Variants in DICER1 observed in about 807,000 individuals in gnomAD.
DICER1 encodes the protein endoribonuclease Dicer.
In DICER1, 43 loss-of-function variants were observed where a neutral mutation model predicts 194.1. That is an observed-to-expected ratio of 0.22 (90% CI 0.17 to 0.29). DICER1 has a LOEUF of 0.29. Among genes scored for constraint, DICER1 ranks in the 10% least tolerant of loss-of-function variants. DICER1 has a pLI of 1.00. For synonymous variants in DICER1, 832 were observed against 820.5 expected (o/e 1.01, Z -0.24); for missense variants, 1,608 against 2,317.0 (o/e 0.69, Z 6.28).
At chr14:95,146,419 C>T (rs1282432859) in intron 1 of DICER1, among the ~76,000 whole-genome samples, 1 of 152,196 alleles carries the variant, frequency 6.6e-6, no homozygotes, top group Non-Finnish European at 1.5e-5. Context: ...TCAGCACACA[C>T]TCCCCTATTC....
intron 23 of DICER1, among the ~76,000 whole-genome samples, chr14:95,095,069 A>C (rs1890188512): frequency 6.6e-6 from 1 of 152,192 alleles, no homozygotes; most frequent in Admixed American, 6.5e-5. Flanking sequence ...TTTGGTTTTT[A>C]CATTTTGCTG....
chr14:95,141,504 C>T (rs1041140821), intron 1 of DICER1, among the ~76,000 whole-genome samples: 2 of 152,182 alleles, frequency 1.3e-5, no homozygotes, highest in Admixed American at 1.3e-4. Context: ...GCAATGCCTC[C>T]ACTACCATAA....
At position 95,096,613 on chromosome 14, in the gene DICER1, G is replaced by T. The variant is rs777127946; in HGVS notation, c.4307C>A (p.Ala1436Asp). The T allele has an allele frequency of 6.2e-7, 1 of 1,611,634 alleles. No individual in the cohort carries two copies. The highest frequency in any genetic ancestry group is 1.7e-5 in the Admixed American group (1 of 59,774). Residue 1436 changes from alanine (A) to aspartate (D), a missense_variant, in exon 23 of 27, where the codon GCT (alanine) becomes GAT (aspartate). Ala to Asp is a moderately radical substitution (Grantham distance 126). This residue lies in a region of DICER1 where 164 missense variants were observed against 183.7 expected (regional missense o/e 0.89). Transcript: ENST00000343455. ...SLMWRAPKEE[A>D]DYEDDFLEYD... Reference sequence around the variant, plus strand: ...CTCCAGGAAATCATCTTCATAGTCAGCCTCTTCCTTCGGAGCCCTCCACAT... The same window carrying T: ...CTCCAGGAAATCATCTTCATAGTCATCCTCTTCCTTCGGAGCCCTCCACAT...
At position 95,089,517 on chromosome 14, in the gene DICER1, G is replaced by A. The variant is rs562287090; in HGVS notation, c.*981C>T. The A allele has an allele frequency of 5.6e-5, 13 of 232,214 alleles. No individual in the cohort carries two copies. In the South Asian group the frequency reaches 1.5e-3, roughly 26 times the overall value. 14.4% of individuals were successfully genotyped at this position (232,214 alleles called of 1,614,324 possible). On this transcript the variant is annotated 3_prime_UTR_variant, in exon 27 of 27. Transcript: ENST00000343455. ...ATTTTGTTAGAGCAACAGCCTAGAA[G>A]GCAAAATTATTTGCCATAAACATTT...
chr14:95,103,128 T>C (rs1419522964), intron 21 of DICER1, among the ~76,000 whole-genome samples: 1 of 152,090 alleles, frequency 6.6e-6, no homozygotes, highest in Non-Finnish European at 1.5e-5. Flanking sequence ...CCCCAAAACC[T>C]GAGTGTGGGA....
At chr14:95,119,970 C>T (rs955858182) in intron 8 of DICER1, among the ~76,000 whole-genome samples, 2 of 152,054 alleles carry the variant, frequency 1.3e-5, no homozygotes, top group Non-Finnish European at 2.9e-5. Context: ...ATCTAATTCT[C>T]CCCAATTAGA....
chr14:95,118,959 T>C (rs746687824), intron 8 of DICER1, among the ~76,000 whole-genome samples: 1 of 152,180 alleles, frequency 6.6e-6, no homozygotes, highest in East Asian at 1.9e-4. Context: ...GTTCACGTAC[T>C]TAAATATTCA....
Position 95,103,846 on chromosome 14 carries a change from G to C in DICER1, c.3550C>G (p.Leu1184Val). 6.2e-7 allele frequency: 1 copy of C among 1,614,166 alleles called. No homozygotes were observed. Among genetic ancestry groups the C allele is most frequent in the Non-Finnish European group, 8.5e-7 (1 of 1,180,028 alleles). The change falls in exon 21 of 27, where the codon CTC (leucine) becomes GTC (valine). Residue 1184 changes from leucine to valine, a missense_variant. Physicochemically the swap from Leu to Val is conservative, Grantham distance 32. This residue lies in a region of DICER1 where 222 missense variants were observed against 215.5 expected (regional missense o/e 1.03). Transcript: ENST00000343455. ...GCTAAATCATAACTGCCATTGGCGAGATTTTGATTGTAAGAAAGACCATTA... is the reference window on the plus strand; with the variant it reads ...GCTAAATCATAACTGCCATTGGCGACATTTTGATTGTAAGAAAGACCATTA... ...AINGLSYNQN[L>V]ANGSYDLANR...
chr14:95,105,140 G>A lies in DICER1; in HGVS notation c.3200C>T (p.Ala1067Val). The A allele has an allele frequency of 6.2e-7, 1 of 1,614,148 alleles. No individual in the cohort carries two copies. Among genetic ancestry groups the A allele is most frequent in the Non-Finnish European group, 8.5e-7 (1 of 1,180,022 alleles). Residue 1067 changes from alanine to valine, a missense_variant, in exon 20 of 27, where the codon GCA becomes GTA. Ala to Val is a moderately conservative substitution (Grantham distance 64, BLOSUM62 0). This residue lies in a region of DICER1 where 79 missense variants were observed against 176.1 expected (regional missense o/e 0.45). Coordinates refer to ENST00000343455, the MANE Select transcript of DICER1 (RefSeq NM_177438.3). The surrounding 1 kb of genome is among the most constrained non-coding windows in gnomAD (Gnocchi z 4.9). ...ILYRLHCLLT[A>V]EELRAQTASD... ...GGCAGTCTGGGCTCTTAGCTCCTCT[G>A]CAGTCAAAAGGCAGTGAAGGCGATA...
In DICER1 at chr14:95,087,107, C is replaced by T; in HGVS notation, c.*3391G>A. On this transcript the variant is annotated 3_prime_UTR_variant, in exon 27 of 27. Transcript: ENST00000343455. ...GCGCTCGATCTGGATTCCAGTGATC[C>T]TCTGCAGTGCCCACCTGCCTCCAGG... 8.6e-6 allele frequency: 2 copies of T among 233,292 alleles called. No individual in the cohort carries two copies. The highest frequency in any genetic ancestry group is 1.7e-5 in the Non-Finnish European group (2 of 117,828). 14.5% of individuals were successfully genotyped at this position (233,292 alleles called of 1,614,324 possible). A position where few individuals can be genotyped will look rare whatever the true frequency, so the allele number is the denominator to read the frequency against.
At chr14:95,143,244 C>A (rs574357545) in intron 1 of DICER1, among the ~76,000 whole-genome samples, 1 of 152,166 alleles carries the variant, frequency 6.6e-6, no homozygotes, top group African/African-American at 2.4e-5. Flanking sequence ...ACTGCAATCA[C>A]GCCTACATCA....
At chr14:95,092,144 T>C (rs1889901271) in intron 24 of DICER1, among the ~76,000 whole-genome samples, 1 of 152,190 alleles carries the variant, frequency 6.6e-6, no homozygotes, top group Non-Finnish European at 1.5e-5. Flanking sequence ...ACGTGTTGAC[T>C]AGCGTGTGGC....
In DICER1 at chr14:95,105,370, AT is replaced by A. The variant is rs1891325233; in HGVS notation, c.3094-125del. On this transcript the variant is annotated intron_variant, in intron 19 of 26. Coordinates refer to ENST00000343455, the MANE Select transcript of DICER1 (RefSeq NM_177438.3). The surrounding 1 kb of genome is among the most constrained non-coding windows in gnomAD (Gnocchi z 4.9). ...TGCTAGTAAAACTTAATTTTAAAAA[AT>A]ATTTGTAAAAATAATCCTCTAAGGC... 5 of 943,864 alleles carry A rather than the reference AT, an allele frequency of 5.3e-6. No homozygotes were observed. The highest frequency in any genetic ancestry group is 2.6e-5 in the East Asian group (1 of 38,374). The allele number at this position is 943,864 out of a possible 1,614,324, so 58.5% of individuals were successfully genotyped here.
Position 95,086,388 on chromosome 14 carries a change from T to G in DICER1, c.*4110A>C. On this transcript the variant is annotated 3_prime_UTR_variant, in exon 27 of 27. Coordinates refer to ENST00000343455, the MANE Select transcript of DICER1 (RefSeq NM_177438.3). ...TGTTCCTTAAAAAACAGCTGCAGCA[T>G]GTGATGGTAAATATTTTATTGTCAA... 2 of 233,246 alleles carry G rather than the reference T, an allele frequency of 8.6e-6. No homozygotes were observed. Among genetic ancestry groups the G allele is most frequent in the Non-Finnish European group, 1.7e-5 (2 of 117,888 alleles). 14.4% of individuals were successfully genotyped at this position (233,246 alleles called of 1,614,324 possible).
rs145687042 is a variant in DICER1, at chr14:95,106,430, TTTA to T, written c.2805-210_2805-208del. Among the ~76,000 whole-genome samples the T allele has an allele frequency of 0.033, 5,053 of 152,248 alleles. 300 individuals carry two copies. Among genetic ancestry groups the T allele is most frequent in the African/African-American group, 0.12 (4,815 of 41,516 alleles). The stretch of plus-strand genomic sequence containing the variant: ...AAAAATGGACACATTATTGTCCCAT[TTTA>T]TTATTATTCTTGTTCTAAATATCTA... On this transcript the variant is annotated intron_variant, in intron 17 of 26. Transcript: ENST00000343455.
At chr14:95,111,908 C>T (rs937008210) in intron 13 of DICER1, among the ~76,000 whole-genome samples, 7 of 152,060 alleles carry the variant, frequency 4.6e-5, no homozygotes, top group African/African-American at 1.4e-4. Context: ...TACGAAAAGA[C>T]CTTTATGTAC....
In DICER1 at chr14:95,132,602, C is replaced by A. The variant is rs202181696; in HGVS notation, c.220G>T (p.Ala74Ser). Residue 74 changes from alanine (A) to serine (S), a missense_variant, in exon 3 of 27, where the codon GCA (alanine) becomes TCA (serine). Around this residue, in one of 10 missense-constraint regions of DICER1, gnomAD observed 657 missense variants for 910.1 expected, o/e 0.72. Transcript: ENST00000343455. ...LNTGSGKTFI[A>S]VLLTKELSYQ... ...GACAGCTCTTTAGTGAGTAGTACTG[C>A]AATAAATGTCTTCCCTGAGCCAGTG... The A allele has an allele frequency of 2.5e-6, 4 of 1,613,772 alleles. No homozygotes were observed. In the East Asian group the frequency reaches 8.9e-5, roughly 36 times the overall value.
intron 10 of DICER1, 65 bp from the exon 11 acceptor site, chr14:95,115,886 C>T (rs1892408159): frequency 1.3e-6 from 2 of 1,536,226 alleles, no homozygotes; most frequent in East Asian, 2.3e-5. Context: ...CTGTCTGCCT[C>T]TGTACCTACA....
intron 1 of DICER1, among the ~76,000 whole-genome samples, chr14:95,137,345 GAAGGGAAAGAGGAAGGAA>G (rs201007273): frequency 0.029 from 3,767 of 131,990 alleles, 210 homozygotes; most frequent in African/African-American, 0.11. Flanking sequence ...AGGGGAAGGG[GAAGGGAAAGAGGAAGGAA>G]AAGGGAAGGG....
Sources: gnomAD v4.1 joint callset for allele counts (sites outside exome capture counted in the v4.1 genomes callset) on GRCh38, gnomAD v4.1.1 for gene constraint, gnomAD v4.1.1 regional missense constraint, Gnocchi (gnomAD v3.1) non-coding constraint, MANE v1.5 for transcripts, NCBI Gene and HGNC (gene_info 2026-07-23, HGNC 2026-07-21) for gene names.